The following METTL4 variants were observed in gnomAD, a reference collection of about 807,000 sequenced individuals.
The protein encoded by METTL4 is methyltransferase 4, N6-adenosine, also known as N(6)-adenine-specific methyltransferase METTL4.
Under a neutral mutation model 54.0 loss-of-function variants are expected in METTL4, and 40 were observed. That is an observed-to-expected ratio of 0.74 (90% confidence interval 0.58 to 0.96). The LOEUF (loss-of-function observed/expected upper bound fraction) is 0.96, where lower values mean the gene tolerates loss of function less well. METTL4 is among the 50% of genes least tolerant of loss of function. METTL4 has a pLI of 0.00. For missense variants in METTL4, 525 were observed against 549.0 expected (o/e 0.96, Z 0.44); for synonymous variants, 169 against 183.8 (o/e 0.92, Z 0.65).
chr18:2,543,794 A>G (rs2072029170), intron 8 of METTL4, among the ~76,000 whole-genome samples: 1 of 152,200 alleles, frequency 6.6e-6, no homozygotes, highest in East Asian at 1.9e-4. Flanking sequence ...CACTAACCAA[A>G]TATCAAGGGA....
rs756496651 is a variant in METTL4 at position 2,563,876 on chromosome 18, T to C, written c.397-17A>G. 1.7e-5 allele frequency: 27 copies of C among 1,591,402 alleles called. No homozygotes were observed. The highest frequency in any genetic ancestry group is 3.5e-5 in the Admixed American group (2 of 56,944). ...TTTACGCTTCTAAAGGGTAGATCAA[T>C]TACAGGGGAAAAGTTATGTTGCCAT... is the stretch of plus-strand genomic sequence containing the variant. On this transcript the variant is annotated splice_polypyrimidine_tract_variant and intron_variant, in intron 2 of 8. Transcript: ENST00000574538.
chr18:2,570,061 A>T (rs1160276011), intron 1 of METTL4, among the ~76,000 whole-genome samples: 1 of 152,206 alleles, frequency 6.6e-6, no homozygotes, highest in Non-Finnish European at 1.5e-5. Context: ...CATGAAGACA[A>T]CTGTAAGCAC....
At chr18:2,546,477 C>T (rs545946290) in intron 6 of METTL4, among the ~76,000 whole-genome samples, 2 of 152,096 alleles carry the variant, frequency 1.3e-5, no homozygotes, top group African/African-American at 2.4e-5. Flanking sequence ...TGGAATGTAT[C>T]CCCCCAAGGA....
rs755147520 is a variant in METTL4, at chr18:2,554,862, A to T, written c.636T>A (p.Asn212Lys). The T allele has an allele frequency of 1.9e-6, 3 of 1,613,984 alleles. No homozygotes were observed. The Admixed American group carries it at 5.0e-5, about 27-fold the overall frequency. Residue 212 changes from asparagine (N) to lysine (K), a missense_variant, in exon 4 of 9, where the codon AAT (asparagine) becomes AAA (lysine). Physicochemically the swap from Asn to Lys is moderately conservative, Grantham distance 94. Transcript: ENST00000574538. ...CEMAKHLPSL[N>K]EMEHQTLQLV... ...ATTGTAATGTCTGATGTTCCATTTC[A>T]TTCAGAGAAGGCAAATGCTTTGCCA...
At chr18:2,560,662 G>A (rs1030164370) in intron 3 of METTL4, among the ~76,000 whole-genome samples, 1 of 152,136 alleles carries the variant, frequency 6.6e-6, no homozygotes, top group Non-Finnish European at 1.5e-5. Flanking sequence ...CAGATCATGA[G>A]GTCAGGAGAT....
At chr18:2,565,804 G>C (rs1234259441) in intron 2 of METTL4, among the ~76,000 whole-genome samples, 1 of 152,030 alleles carries the variant, frequency 6.6e-6, no homozygotes. Flanking sequence ...GGGTGCAGTG[G>C]CTCAAGCCGA....
At position 2,567,198 on chromosome 18, in the gene METTL4, A is replaced by T; in HGVS notation, c.19T>A (p.Leu7Met). ...TGATCCAGTAACCACCCAGCTGACAACTGGTGTACCACAGACATTCCCTTC... is the reference window on the plus strand; with the variant it reads ...TGATCCAGTAACCACCCAGCTGACATCTGGTGTACCACAGACATTCCCTTC... MSVVHQ[L>M]SAGWLLDHLS... Residue 7 changes from leucine to methionine, a missense_variant, in exon 2 of 9, where the codon TTG (leucine) becomes ATG (methionine). Physicochemically the swap from Leu to Met is conservative, Grantham distance 15. Transcript: ENST00000574538. The T allele has an allele frequency of 1.2e-6, 2 of 1,609,068 alleles. No homozygotes were observed. The highest frequency in any genetic ancestry group is 1.3e-5 in the African/African-American group (1 of 74,954).
intron 8 of METTL4, among the ~76,000 whole-genome samples, chr18:2,543,217 T>C (rs997388303): frequency 4.6e-5 from 7 of 152,276 alleles, no homozygotes; most frequent in Non-Finnish European, 8.8e-5. Context: ...GAATTTGTAT[T>C]CACTTTCTCC....
At position 2,544,716 on chromosome 18, in the gene METTL4, T is replaced by C; in HGVS notation, c.1118A>G (p.His373Arg). ...GEFVFPLDSP[H>R]KKPYEGLILG... Reference sequence around the variant, plus strand: ...TATAAGACCTTCGTAGGGCTTTTTGTGTGGAGAATCTAATGGGAACACAAA... The same window carrying C: ...TATAAGACCTTCGTAGGGCTTTTTGCGTGGAGAATCTAATGGGAACACAAA... The change falls in exon 7 of 9, where the codon CAC (histidine) becomes CGC (arginine). Residue 373 changes from histidine to arginine, a missense_variant. Physicochemically the swap from His to Arg is conservative, Grantham distance 29. Transcript: ENST00000574538. The C allele has an allele frequency of 6.2e-7, 1 of 1,613,276 alleles. No homozygotes were observed. The highest frequency in any genetic ancestry group is 1.1e-5 in the South Asian group (1 of 91,032).
At chr18:2,553,886 G>A (rs1250229399) in intron 4 of METTL4, 1 of 152,126 alleles carries the variant, frequency 6.6e-6, no homozygotes, top group Non-Finnish European at 1.5e-5. Context: ...CATTTACTCT[G>A]AAGAATTTAT....
intron 8 of METTL4, among the ~76,000 whole-genome samples, chr18:2,539,605 C>T (rs535441425): frequency 2.6e-5 from 4 of 151,730 alleles, no homozygotes; most frequent in African/African-American, 9.7e-5. Flanking sequence ...TCTCAGCCTC[C>T]CAAGTAGCTG....
intron 3 of METTL4, among the ~76,000 whole-genome samples, chr18:2,563,021 C>CA (rs1309610414): frequency 6.6e-6 from 1 of 152,070 alleles, no homozygotes; most frequent in Admixed American, 6.5e-5. Flanking sequence ...TGAATTTTGC[C>CA]ATTTCAAAGG....
intron 3 of METTL4, among the ~76,000 whole-genome samples, chr18:2,559,564 T>G (rs1380625185): frequency 6.6e-6 from 1 of 152,130 alleles, no homozygotes; most frequent in African/African-American, 2.4e-5. Flanking sequence ...GTTAAAACAG[T>G]AAATTTTATG....
At chr18:2,548,531 T>C (rs1433328904) in intron 5 of METTL4, among the ~76,000 whole-genome samples, 2 of 152,192 alleles carry the variant, frequency 1.3e-5, no homozygotes, top group East Asian at 3.8e-4. Context: ...TTCTGAACAA[T>C]TTCAAAGCAC....
chr18:2,565,897 A>C (rs1281659982), intron 2 of METTL4, among the ~76,000 whole-genome samples: 1 of 152,036 alleles, frequency 6.6e-6, no homozygotes, highest in Non-Finnish European at 1.5e-5. Flanking sequence ...AATACAAAAA[A>C]TTAGCCAGGC....
In METTL4 at chr18:2,547,598, C is replaced by T. The variant is rs1006968728; in HGVS notation, c.900-69G>A. 150 of 1,230,530 alleles carry T rather than the reference C, an allele frequency of 1.2e-4. 1 individual carries two copies. The highest frequency in any genetic ancestry group is 2.1e-4 in the Middle Eastern group (1 of 4,794). The allele number at this position is 1,230,530 out of a possible 1,614,324, so 76.2% of individuals were successfully genotyped here. A position where few individuals can be genotyped will look rare whatever the true frequency, so the allele number is the denominator to read the frequency against. ...AGAAGAAAACTAAGCAGGGATAAGA[C>T]ATGCATAACACAGACTCCACAAATG... is the stretch of plus-strand genomic sequence containing the variant. On this transcript the variant is annotated intron_variant, in intron 5 of 8. Coordinates refer to ENST00000574538, the MANE Select transcript of METTL4 (RefSeq NM_022840.5).
intron 1 of METTL4, among the ~76,000 whole-genome samples, chr18:2,569,894 C>A (rs1407696175): frequency 6.6e-6 from 1 of 152,196 alleles, no homozygotes; most frequent in Non-Finnish European, 1.5e-5. Context: ...CACTCTCCAC[C>A]AGCCTAGGAA....
chr18:2,540,299 C>A (rs1316827945), intron 8 of METTL4: 1 of 984,308 alleles, frequency 1.0e-6, no homozygotes, highest in Non-Finnish European at 1.2e-6. Flanking sequence ...GTATAAAATT[C>A]AGATAAGAAA....
chr18:2,550,646 T>C (rs1202393899), intron 5 of METTL4, among the ~76,000 whole-genome samples: 1 of 152,156 alleles, frequency 6.6e-6, no homozygotes, highest in African/African-American at 2.4e-5. Flanking sequence ...GATCAAAAAT[T>C]TGCTAAACTA....
Sources: allele counts gnomAD v4.1 joint callset (sites outside exome capture counted in the v4.1 genomes callset), GRCh38; gene constraint gnomAD v4.1.1; transcripts MANE v1.5; gene names NCBI Gene and HGNC (gene_info 2026-07-23, HGNC 2026-07-21).